DCC: variants seen among roughly 807,000 people sequenced by gnomAD.
The protein encoded by DCC is netrin receptor DCC.
Under a neutral mutation model 172.5 loss-of-function variants are expected in DCC, and 58 were observed. The ratio of observed to expected loss-of-function variants is 0.34; its 90% CI spans 0.27 to 0.42. DCC has a LOEUF of 0.42. Ranked by LOEUF, DCC falls within the 10% of genes least tolerant of loss-of-function variation. The pLI, the probability that DCC is intolerant of heterozygous loss-of-function variation, is 1.00. For missense variants in DCC, 1,740 were observed against 1,791.0 expected, an observed-to-expected ratio of 0.97 and a Z score of 0.51; for synonymous variants, 709 against 644.5, an observed-to-expected ratio of 1.10 and a Z score of -1.52.
intron 1 of DCC, among the ~76,000 whole-genome samples, chr18:52,458,039 G>A (rs1449982647): frequency 6.6e-6 from 1 of 152,166 alleles, no homozygotes; most frequent in Non-Finnish European, 1.5e-5. Flanking sequence ...TACAGGCGTG[G>A]ATGCGGCCAC....
At chr18:53,184,687 C>T (rs183961854) in intron 9 of DCC, among the ~76,000 whole-genome samples, 184 of 152,148 alleles carry the variant, frequency 1.2e-3, no homozygotes, top group Middle Eastern at 3.4e-3. Context: ...TGTCACTAGG[C>T]GATAGAAATT....
intron 25 of DCC, 63 bp downstream of exon 25, chr18:53,468,073 A>C: frequency 1.2e-6 from 1 of 869,024 alleles, no homozygotes; most frequent in Non-Finnish European, 2.0e-6. Flanking sequence ...CTTTTCTATA[A>C]AAAATCAAAT....
chr18:53,451,299 G>A (rs1048198291), intron 23 of DCC, among the ~76,000 whole-genome samples: 10 of 152,200 alleles, frequency 6.6e-5, no homozygotes, highest in African/African-American at 2.4e-4. Context: ...CAGATGCAGA[G>A]AATGATACAT....
chr18:52,490,540 G>A (rs996622431), intron 1 of DCC, among the ~76,000 whole-genome samples: 9 of 152,050 alleles, frequency 5.9e-5, no homozygotes, highest in Non-Finnish European at 1.2e-4. Flanking sequence ...GAGCAGAGCT[G>A]GGACTAGAAA....
intron 5 of DCC, among the ~76,000 whole-genome samples, chr18:52,985,494 C>T (rs914443285): frequency 1.3e-5 from 2 of 152,012 alleles, no homozygotes; most frequent in African/African-American, 4.8e-5. Flanking sequence ...GAAGCTTTTA[C>T]GATATTCTAG....
chr18:53,510,071 G>T (rs566496900), intron 27 of DCC, among the ~76,000 whole-genome samples: 1 of 152,038 alleles, frequency 6.6e-6, no homozygotes, highest in African/African-American at 2.4e-5. Context: ...CAGAGCCACC[G>T]CTGTCCATGG....
At chr18:52,487,850 A>G (rs2030305701) in intron 1 of DCC, among the ~76,000 whole-genome samples, 1 of 149,954 alleles carries the variant, frequency 6.7e-6, no homozygotes, top group Non-Finnish European at 1.5e-5. Context: ...GAGGAAGCAC[A>G]CTAATGCCCA....
At chr18:53,191,128 G>T (rs1368226781) in intron 9 of DCC, among the ~76,000 whole-genome samples, 1 of 151,972 alleles carries the variant, frequency 6.6e-6, no homozygotes, top group African/African-American at 2.4e-5. Context: ...CTCTCCTATG[G>T]CCTTGCAGTG....
At position 53,508,586 on chromosome 18, in the gene DCC, A is replaced by ATTTG. The variant is rs893176245; in HGVS notation, c.4111+9080_4111+9083dup. 2.6e-5 allele frequency among the ~76,000 whole-genome samples: 4 copies of ATTTG among 152,234 alleles called. No homozygotes were observed. In the East Asian group the frequency reaches 5.8e-4, roughly 22 times the overall value. On this transcript the variant is annotated intron_variant, in intron 27 of 28. Transcript: ENST00000442544. ...GTGTTGCACTTAAAAGAATATAGTTATTTGTTTATTTTCTTTTTGGCTACG... is the reference window on the plus strand; with the variant it reads ...GTGTTGCACTTAAAAGAATATAGTTATTTGTTTGTTTATTTTCTTTTTGGCTACG...
At chr18:53,210,057 G>A (rs944902639) in intron 11 of DCC, among the ~76,000 whole-genome samples, 6 of 152,132 alleles carry the variant, frequency 3.9e-5, no homozygotes, top group Non-Finnish European at 4.4e-5. Context: ...AGATAGCAAG[G>A]ACTTTATAAG....
chr18:53,168,813 G>A (rs140713442), intron 8 of DCC, among the ~76,000 whole-genome samples: 1 of 152,230 alleles, frequency 6.6e-6, no homozygotes, highest in East Asian at 1.9e-4. Flanking sequence ...GCTCATTGCA[G>A]ATGACTGTGC....
intron 15 of DCC, among the ~76,000 whole-genome samples, chr18:53,355,527 T>C (rs896987076): frequency 6.6e-6 from 1 of 152,206 alleles, no homozygotes; most frequent in African/African-American, 2.4e-5. Context: ...TTTCATTCTC[T>C]TTGAAGCAAT....
intron 1 of DCC, among the ~76,000 whole-genome samples, chr18:52,494,995 G>C (rs1262063714): frequency 6.6e-6 from 1 of 151,932 alleles, no homozygotes; most frequent in African/African-American, 2.4e-5. Flanking sequence ...ACCCAATAAG[G>C]GACTGAGCTG....
intron 27 of DCC, 86 bp downstream of exon 27, chr18:53,499,596 G>A: frequency 9.3e-7 from 1 of 1,072,044 alleles, no homozygotes; most frequent in South Asian, 1.3e-5. Context: ...AGAAGGCCTA[G>A]ATGTCATATA....
chr18:52,918,266 C>T lies in DCC; in HGVS notation c.698-5441C>T, dbSNP rs1032583969. On this transcript the variant is annotated intron_variant, in intron 3 of 28. Coordinates refer to ENST00000442544, the MANE Select transcript of DCC (RefSeq NM_005215.4). The stretch of plus-strand genomic sequence containing the variant: ...TTATATTCTATTAGCTGAATAATTG[C>T]ATTTGGATATGAATAGTGGTGCCCA... Among the ~76,000 whole-genome samples the T allele has an allele frequency of 2.0e-5, 3 of 152,082 alleles. No individual in the cohort carries two copies. In the East Asian group the frequency reaches 5.8e-4, roughly 29 times the overall value.
intron 2 of DCC, among the ~76,000 whole-genome samples, chr18:52,879,399 A>G (rs933260622): frequency 3.2e-5 from 3 of 94,102 alleles, no homozygotes; most frequent in Non-Finnish European, 6.6e-5. Context: ...TTTCTAGCCC[A>G]TATGTTGTTT....
At chr18:53,123,685 GT>G (rs2043515371) in intron 7 of DCC, among the ~76,000 whole-genome samples, 1 of 151,774 alleles carries the variant, frequency 6.6e-6, no homozygotes, top group Non-Finnish European at 1.5e-5. Context: ...TTTTCCTTTG[GT>G]TTTTCTTTGT....
chr18:53,169,759 C>T (rs1402274020), intron 8 of DCC, among the ~76,000 whole-genome samples: 1 of 152,106 alleles, frequency 6.6e-6, no homozygotes, highest in African/African-American at 2.4e-5. Flanking sequence ...TACAAGTTTA[C>T]CCAAAAATTG....
At chr18:52,987,324 C>G (rs1286159467) in intron 5 of DCC, among the ~76,000 whole-genome samples, 1 of 152,064 alleles carries the variant, frequency 6.6e-6, no homozygotes, top group Admixed American at 6.6e-5. Context: ...CAAAAAACCC[C>G]AACAACAAAA....
Sources: gnomAD v4.1 joint callset for allele counts (sites outside exome capture counted in the v4.1 genomes callset) on GRCh38, gnomAD v4.1.1 for gene constraint, MANE v1.5 for transcripts, NCBI Gene and HGNC (gene_info 2026-07-23, HGNC 2026-07-21) for gene names.